The following CERK variants were observed in gnomAD, a reference collection of about 807,000 sequenced individuals.
CERK encodes the protein acylsphingosine kinase.
A neutral mutation model predicts 63.4 loss-of-function variants in CERK; 39 were observed. The ratio of observed to expected loss-of-function variants is 0.61; its 90% CI spans 0.48 to 0.80. The LOEUF (loss-of-function observed/expected upper bound fraction) is 0.80. CERK is among the 30% of genes least tolerant of loss of function. The pLI is 0.00. For synonymous variants in CERK, 302 were observed against 280.0 expected (o/e 1.08, Z -0.78); for missense variants, 670 against 714.1 (o/e 0.94, Z 0.70).
At chr22:46,701,010 CAA>C (rs57653833) in intron 7 of CERK, among the ~76,000 whole-genome samples, 5 of 129,052 alleles carry the variant, frequency 3.9e-5, no homozygotes, top group Admixed American at 7.8e-5. Context: ...AACTCCATCT[CAA>C]AAAAAAAAAA....
At chr22:46,716,152 T>C (rs2082865006) in intron 3 of CERK, among the ~76,000 whole-genome samples, 1 of 151,544 alleles carries the variant, frequency 6.6e-6, no homozygotes, top group African/African-American at 2.4e-5. Context: ...ATTGTGCCAC[T>C]GCACTCCGGC....
chr22:46,718,107 C>G (rs2082875074), intron 3 of CERK, among the ~76,000 whole-genome samples: 1 of 151,992 alleles, frequency 6.6e-6, no homozygotes, highest in Non-Finnish European at 1.5e-5. Context: ...GAAAAAAACC[C>G]ACTAAAACAG....
chr22:46,717,504 C>T (rs1343519299), intron 3 of CERK, among the ~76,000 whole-genome samples: 2 of 152,236 alleles, frequency 1.3e-5, no homozygotes, highest in Non-Finnish European at 2.9e-5. Flanking sequence ...CAAGACTACT[C>T]GCCACCACGG....
At position 46,723,703 on chromosome 22, in the gene CERK, TTTC is replaced by T. The variant is rs753142217; in HGVS notation, c.143-2691_143-2689del. Among the ~76,000 whole-genome samples the T allele has an allele frequency of 1.5e-4, 23 of 151,992 alleles. No homozygotes were observed. In the East Asian group the frequency reaches 2.5e-3, roughly 17 times the overall value. On this transcript the variant is annotated intron_variant, in intron 1 of 12. Coordinates refer to ENST00000216264, the MANE Select transcript of CERK (RefSeq NM_022766.6). ...CTTCAAGGGTCCACTAATGTGGGGT[TTTC>T]TTCTTTTTTTTTTGTTTTTGAAATG... is the stretch of plus-strand genomic sequence containing the variant.
At chr22:46,728,236 G>T (rs905992022) in intron 1 of CERK, among the ~76,000 whole-genome samples, 2 of 152,076 alleles carry the variant, frequency 1.3e-5, no homozygotes. Context: ...GGGATGAGAC[G>T]GGGTGTCCAA....
chr22:46,690,267 ACCCCAGGC>A, intron 11 of CERK, 67 bp from the exon 12 acceptor site: 1 of 1,337,560 alleles, frequency 7.5e-7, no homozygotes, highest in Non-Finnish European at 1.0e-6. Flanking sequence ...GCAGCAGAAC[ACCCCAGGC>A]CTGACAGCGA....
At chr22:46,700,777 C>T (rs758878847) in intron 7 of CERK, among the ~76,000 whole-genome samples, 2 of 151,798 alleles carry the variant, frequency 1.3e-5, no homozygotes, top group African/African-American at 2.4e-5. Context: ...TTTGGAAGGC[C>T]GAGGCGGGTG....
Position 46,686,952 on chromosome 22 carries a change from A to G in CERK, c.*182T>C, listed in dbSNP as rs1356918052. The G allele has an allele frequency of 1.7e-6, 1 of 604,376 alleles. No homozygotes were observed. The highest frequency in any genetic ancestry group is 2.9e-6 in the Non-Finnish European group (1 of 347,302). The allele number at this position is 604,376 out of a possible 1,614,324, so 37.4% of individuals were successfully genotyped here. On this transcript the variant is annotated 3_prime_UTR_variant, in exon 13 of 13. Transcript: ENST00000216264. Reference sequence around the variant, plus strand: ...TGGGCTGCAACCCGCAGATGCGTACAGAACTGAAAATGCCAAATATGTACA... The same window carrying G: ...TGGGCTGCAACCCGCAGATGCGTACGGAACTGAAAATGCCAAATATGTACA...
chr22:46,732,043 C>T (rs1271140085), intron 1 of CERK, among the ~76,000 whole-genome samples: 1 of 152,154 alleles, frequency 6.6e-6, no homozygotes, highest in African/African-American at 2.4e-5. Context: ...AGTCATCTGA[C>T]CCAGTCTGTG....
chr22:46,690,240 G>A (rs561612388), intron 11 of CERK, 40 bp from the exon 12 acceptor site: 32 of 1,571,498 alleles, frequency 2.0e-5, no homozygotes, highest in Admixed American at 1.8e-4. Context: ...AGCTCTAAAC[G>A]TCATCGTCTG....
Position 46,738,250 on chromosome 22 carries a change from G to GACGGGCT in CERK, c.-103_-102insAGCCCGT. Reference sequence around the variant, plus strand: ...GTGGCCCGGGCGGCGGGCGGCGGGCGGCGGGAGGCGGCGCTGCGTCACCCC... The same window carrying GACGGGCT: ...GTGGCCCGGGCGGCGGGCGGCGGGCGACGGGCTGCGGGAGGCGGCGCTGCGTCACCCC... On this transcript the variant is annotated 5_prime_UTR_variant, in exon 1 of 13. Coordinates refer to ENST00000216264, the MANE Select transcript of CERK (RefSeq NM_022766.6). The GACGGGCT allele has an allele frequency of 5.9e-5, 39 of 663,918 alleles. 1 individual carries two copies. The highest frequency in any genetic ancestry group is 7.3e-5 in the Non-Finnish European group (39 of 532,866). 41.1% of individuals were successfully genotyped at this position (663,918 alleles called of 1,614,324 possible).
intron 5 of CERK, 122 bp downstream of exon 5, chr22:46,710,964 T>C: frequency 2.8e-6 from 2 of 710,134 alleles, no homozygotes; most frequent in East Asian, 5.4e-5. Context: ...TGTTTACTTT[T>C]ACAATTGGTC....
chr22:46,695,074 T>TA (rs1309067400), intron 9 of CERK, 136 bp downstream of exon 9: 1 of 593,200 alleles, frequency 1.7e-6, no homozygotes, highest in East Asian at 2.9e-5. Flanking sequence ...ATGGGCATCA[T>TA]AGGCATCGTG....
chr22:46,691,863 C>A, intron 10 of CERK, 86 bp from the exon 11 acceptor site: 4 of 952,240 alleles, frequency 4.2e-6, no homozygotes, highest in Non-Finnish European at 6.3e-6. Flanking sequence ...GCCATTCGGG[C>A]TCTCACCTGC....
chr22:46,726,800 C>T (rs916597779), intron 1 of CERK, among the ~76,000 whole-genome samples: 1 of 149,320 alleles, frequency 6.7e-6, no homozygotes, highest in African/African-American at 2.4e-5. Flanking sequence ...TCCACCCTGA[C>T]ACAGCCCTTG....
chr22:46,722,519 T>C (rs1042767212), intron 1 of CERK, among the ~76,000 whole-genome samples: 1 of 149,684 alleles, frequency 6.7e-6, no homozygotes, highest in Non-Finnish European at 1.5e-5. Flanking sequence ...ACTCTCAGGG[T>C]CCCCACCCTC....
rs754284802 is a variant in CERK, at chr22:46,707,844, T to A, written c.714A>T (p.Ala238=). 5.0e-6 allele frequency: 8 copies of A among 1,605,910 alleles called. No individual in the cohort carries two copies. Among genetic ancestry groups the A allele is most frequent in the African/African-American group, 1.3e-5 (1 of 74,686 alleles). Residue 238 remains alanine (A), a splice_region_variant and synonymous_variant, in exon 6 of 13, where the codon GCA becomes GCT. Coordinates refer to ENST00000216264, the MANE Select transcript of CERK (RefSeq NM_022766.6). Reference sequence around the variant, plus strand: ...GAGAATGCCAGGCCGGCTCCATACCTGCGGGAATGATTCCAATCCGGAGGC... The same window carrying A: ...GAGAATGCCAGGCCGGCTCCATACCAGCGGGAATGATTCCAATCCGGAGGC... ...PSSLRIGIIP[A]GSTDCVCYST...
rs765748689 is a variant in CERK, at chr22:46,689,995, A to G, written c.1538T>C (p.Val513Ala). The change falls in exon 12 of 13, where the codon GTC (valine) becomes GCC (alanine). Residue 513 changes from valine (V) to alanine (A), a missense_variant. Transcript: ENST00000216264. ...GCTGGAGGACCCCTGCACGCACCTGACCTCGATGGCAGGGCTGTGCAGGAC... is the reference window on the plus strand; with the variant it reads ...GCTGGAGGACCCCTGCACGCACCTGGCCTCGATGGCAGGGCTGTGCAGGAC... ...GEVLHSPAIEVRVHCQLVRLF... is the reference protein window; with the variant it reads ...GEVLHSPAIEARVHCQLVRLF... The G allele has an allele frequency of 4.4e-6, 7 of 1,602,506 alleles. No individual in the cohort carries two copies. Among genetic ancestry groups the G allele is most frequent in the Non-Finnish European group, 5.9e-6 (7 of 1,178,306 alleles).
Position 46,713,103 on chromosome 22 carries a change from G to A in CERK, c.380-810C>T, listed in dbSNP as rs567046374. Among the ~76,000 whole-genome samples, 5 of 152,108 alleles carry A rather than the reference G, an allele frequency of 3.3e-5. No individual in the cohort carries two copies. In the South Asian group the frequency reaches 1.0e-3, roughly 32 times the overall value. ...ACAACTTCCACATTTCTGTTTTGGT[G>A]GGTTCATGTGACTCTGCTACTTAAA... On this transcript the variant is annotated intron_variant, in intron 3 of 12. Coordinates refer to ENST00000216264, the MANE Select transcript of CERK (RefSeq NM_022766.6).
Sources: allele counts gnomAD v4.1 joint callset (sites outside exome capture counted in the v4.1 genomes callset), GRCh38; gene constraint gnomAD v4.1.1; transcripts MANE v1.5; gene names NCBI Gene and HGNC (gene_info 2026-07-23, HGNC 2026-07-21).